Variants in ADCY2 observed in about 807,000 individuals in gnomAD.
ADCY2 encodes the protein adenylate cyclase 2.
A neutral mutation model predicts 125.2 loss-of-function variants in ADCY2; 31 were observed. The ratio of observed to expected loss-of-function variants is 0.25; its 90% CI spans 0.19 to 0.33. The LOEUF (loss-of-function observed/expected upper bound fraction) is 0.33, where lower values mean the gene tolerates loss of function less well. Among genes scored for constraint, ADCY2 ranks in the 10% least tolerant of loss-of-function variants. The pLI, the probability that ADCY2 is intolerant of heterozygous loss-of-function variation, is 1.00. For synonymous variants in ADCY2, 512 were observed against 548.4 expected (o/e 0.93, Z 0.93); for missense variants, 904 against 1,418.2 (o/e 0.64, Z 5.82).
In ADCY2 at chr5:7,490,224, G is replaced by T. The variant is rs144136608; in HGVS notation, c.409-30514G>T. On this transcript the variant is annotated intron_variant, in intron 2 of 24. Coordinates refer to ENST00000338316, the MANE Select transcript of ADCY2 (RefSeq NM_020546.3). Reference sequence around the variant, plus strand: ...TAGTAGGTGTTGTTTAATAAGAATAGCTTCTATAAGCGTTGTTCTTTTATT... The same window carrying T: ...TAGTAGGTGTTGTTTAATAAGAATATCTTCTATAAGCGTTGTTCTTTTATT... Among the ~76,000 whole-genome samples, 1,412 of 152,162 alleles carry T rather than the reference G, an allele frequency of 9.3e-3. 14 individuals carry two copies. Among genetic ancestry groups the T allele is most frequent in the African/African-American group, 0.032 (1,337 of 41,526 alleles).
intron 4 of ADCY2, among the ~76,000 whole-genome samples, chr5:7,654,981 C>T (rs536779568): frequency 2.0e-5 from 3 of 152,130 alleles, no homozygotes; most frequent in African/African-American, 7.2e-5. Context: ...CTGAAACATT[C>T]GTGTTTCAAA....
chr5:7,784,353 G>T lies in ADCY2; in HGVS notation c.2385-12G>T, dbSNP rs1744018266. 6.2e-6 allele frequency: 10 copies of T among 1,607,528 alleles called. No individual in the cohort carries two copies. Among genetic ancestry groups the T allele is most frequent in the Non-Finnish European group, 8.5e-6 (10 of 1,174,490 alleles). ...TGCATTGTTGTCTGTTTGTCTGTCT[G>T]TTTTTTAATAGACCAGGCATTTGGA... On this transcript the variant is annotated splice_polypyrimidine_tract_variant and intron_variant, in intron 18 of 24. Transcript: ENST00000338316.
At chr5:7,816,528 G>T (rs753246245) in intron 22 of ADCY2, among the ~76,000 whole-genome samples, 3 of 152,234 alleles carry the variant, frequency 2.0e-5, no homozygotes, top group Non-Finnish European at 4.4e-5. Flanking sequence ...GGAAAGGAGG[G>T]AAGAAGGCGC....
At chr5:7,418,861 G>T (rs749329032) in intron 2 of ADCY2, among the ~76,000 whole-genome samples, 19 of 151,850 alleles carry the variant, frequency 1.3e-4, no homozygotes, top group Non-Finnish European at 2.4e-4. Flanking sequence ...CACCATATTG[G>T]TCAGGCTGGC....
intron 2 of ADCY2, among the ~76,000 whole-genome samples, chr5:7,443,767 GA>G (rs995016037): frequency 6.7e-6 from 1 of 149,616 alleles, no homozygotes; most frequent in Non-Finnish European, 1.5e-5. Context: ...TGAGTGCTAA[GA>G]TTTTTTTGTT....
intron 22 of ADCY2, among the ~76,000 whole-genome samples, chr5:7,805,215 A>G (rs1274863602): frequency 6.6e-6 from 1 of 151,912 alleles, no homozygotes; most frequent in African/African-American, 2.4e-5. Flanking sequence ...CCTGTTACTC[A>G]AGAGGCTGAG....
intron 2 of ADCY2, among the ~76,000 whole-genome samples, chr5:7,435,792 A>C (rs1357725800): frequency 2.6e-5 from 4 of 152,242 alleles, no homozygotes; most frequent in African/African-American, 9.6e-5. Context: ...CATTCAACAG[A>C]ATTTAACATC....
At chr5:7,714,968 G>A (rs1223328281) in intron 11 of ADCY2, among the ~76,000 whole-genome samples, 1 of 152,204 alleles carries the variant, frequency 6.6e-6, no homozygotes, top group Non-Finnish European at 1.5e-5. Context: ...GGACACAGGG[G>A]TTGGGGTCCT....
chr5:7,709,203 A>G lies in ADCY2; in HGVS notation c.1402-8A>G, dbSNP rs767655046. 1 of 1,591,038 alleles carries G rather than the reference A, an allele frequency of 6.3e-7. No homozygotes were observed. The highest frequency in any genetic ancestry group is 1.8e-5 in the Admixed American group (1 of 56,714). On this transcript the variant is annotated splice_region_variant and splice_polypyrimidine_tract_variant and intron_variant, in intron 9 of 24. Transcript: ENST00000338316. The surrounding 1 kb of genome is among the most constrained non-coding windows in gnomAD (Gnocchi z 4.4). ...TGCCAGGTGTGATGCTTTGTTTCTC[A>G]CCCCAAGGGAGAACGACGGAGCCCC...
At chr5:7,661,964 T>C (rs1739550933) in intron 4 of ADCY2, among the ~76,000 whole-genome samples, 1 of 152,188 alleles carries the variant, frequency 6.6e-6, no homozygotes, top group African/African-American at 2.4e-5. Flanking sequence ...TTTAAATAGA[T>C]CATTTCTCAC....
chr5:7,736,800 A>T (rs1344553833), intron 14 of ADCY2, among the ~76,000 whole-genome samples: 1 of 152,170 alleles, frequency 6.6e-6, no homozygotes, highest in African/African-American at 2.4e-5. Context: ...CCATTATTTA[A>T]ACTCTGATTC....
At chr5:7,765,599 T>C (rs1226805043) in intron 16 of ADCY2, among the ~76,000 whole-genome samples, 3 of 152,240 alleles carry the variant, frequency 2.0e-5, no homozygotes, top group African/African-American at 4.8e-5. Context: ...GTAAATGTCT[T>C]CTTATCTGTC....
intron 2 of ADCY2, among the ~76,000 whole-genome samples, chr5:7,453,834 A>C (rs1365138475): frequency 1.3e-5 from 2 of 151,974 alleles, no homozygotes; most frequent in East Asian, 3.9e-4. Flanking sequence ...ACTCATGCTC[A>C]CTTGGGGCCA....
chr5:7,746,097 G>A (rs1742615200), intron 15 of ADCY2: 1 of 152,458 alleles, frequency 6.6e-6, no homozygotes, highest in Admixed American at 6.5e-5. Context: ...CCCGTCCCTG[G>A]AGCTTCCCAG....
intron 7 of ADCY2, among the ~76,000 whole-genome samples, chr5:7,699,270 T>C (rs540446214): frequency 6.7e-6 from 1 of 149,960 alleles, no homozygotes; most frequent in African/African-American, 2.5e-5. Context: ...GCTAATTTTT[T>C]GTATTTTTAG....
chr5:7,668,424 TTCTC>T (rs199524520), intron 4 of ADCY2, among the ~76,000 whole-genome samples: 3 of 151,932 alleles, frequency 2.0e-5, no homozygotes, highest in Non-Finnish European at 2.9e-5. Context: ...AAAGTAAATG[TTCTC>T]TCTCTCTCTC....
chr5:7,426,324 A>G (rs1740386425), intron 2 of ADCY2, among the ~76,000 whole-genome samples: 1 of 152,180 alleles, frequency 6.6e-6, no homozygotes, highest in East Asian at 1.9e-4. Flanking sequence ...AGACTGGGTA[A>G]TTTATAAATA....
intron 2 of ADCY2, among the ~76,000 whole-genome samples, chr5:7,433,063 A>C (rs1372806730): frequency 1.3e-5 from 2 of 152,202 alleles, no homozygotes; most frequent in East Asian, 3.9e-4. Context: ...TTCACATGGT[A>C]AACATGAAAC....
At chr5:7,570,225 A>T (rs1484430988) in intron 3 of ADCY2, among the ~76,000 whole-genome samples, 1 of 152,164 alleles carries the variant, frequency 6.6e-6, no homozygotes, top group South Asian at 2.1e-4. Flanking sequence ...AAATGAAAAC[A>T]TAGAAAATCT....
Sources: gnomAD v4.1 joint callset for allele counts (sites outside exome capture counted in the v4.1 genomes callset) on GRCh38, gnomAD v4.1.1 for gene constraint, Gnocchi (gnomAD v3.1) non-coding constraint, MANE v1.5 for transcripts, NCBI Gene and HGNC (gene_info 2026-07-23, HGNC 2026-07-21) for gene names.